RASSF8: variants seen among roughly 807,000 people sequenced by gnomAD.
RASSF8 encodes the protein Ras association domain family member 8, also known as ras association domain-containing protein 8.
RASSF8 carries 22 observed loss-of-function variants against 48.5 expected under a neutral mutation model. The observed-to-expected ratio is 0.45, with a 90% CI of 0.32 to 0.65. The LOEUF is 0.65. RASSF8 is among the 30% of genes least tolerant of loss of function. The pLI, the probability that RASSF8 is intolerant of heterozygous loss-of-function variation, is 0.03. For missense variants in RASSF8, 418 were observed against 489.2 expected (o/e 0.85, Z 1.37); for synonymous variants, 127 against 171.5 (o/e 0.74, Z 2.03).
chr12:25,980,372 G>A (rs1941712322), intron 1 of RASSF8, among the ~76,000 whole-genome samples: 1 of 152,094 alleles, frequency 6.6e-6, no homozygotes, highest in African/African-American at 2.4e-5. Context: ...ATTTTAAAAA[G>A]AGATTAAAGA....
chr12:26,078,028 G>A (rs890477830), intron 5 of RASSF8, among the ~76,000 whole-genome samples: 1 of 152,220 alleles, frequency 6.6e-6, no homozygotes, highest in Non-Finnish European at 1.5e-5. Flanking sequence ...TGATAACTGA[G>A]TAAATCCGGG....
At chr12:25,982,641 C>A (rs1707624) in intron 1 of RASSF8, among the ~76,000 whole-genome samples, 150,681 of 152,358 alleles carry the variant, frequency 0.99, 74,530 homozygotes, top group Middle Eastern at 1. Context: ...TGCTGAGTCC[C>A]GTTGAGCTTG....
In RASSF8 at chr12:26,026,476, C is replaced by T. The variant is rs553815485; in HGVS notation, c.-108-28760C>T. The stretch of plus-strand genomic sequence containing the variant: ...TTTGAGATGGAGTCTCGCTTTGTTG[C>T]TCAGGTTGGAGTGCAGTGGCGTGAT... On this transcript the variant is annotated intron_variant, in intron 2 of 5. Transcript: ENST00000689635. 2.3e-4 allele frequency among the ~76,000 whole-genome samples: 35 copies of T among 152,292 alleles called. No individual in the cohort carries two copies. In the South Asian group the frequency reaches 7.3e-3, roughly 32 times the overall value.
At position 26,071,382 on chromosome 12, in the gene RASSF8, A is replaced by G. The variant is rs1943996763; in HGVS notation, c.*2564A>G. ...GGAATGTTCAGGTTCTAAATACTAA[A>G]TTAGATTTCAATGTTTTGTGTTTTT... On this transcript the variant is annotated 3_prime_UTR_variant, in exon 6 of 6. Transcript: ENST00000689635. The G allele has an allele frequency of 3.1e-6, 3 of 952,660 alleles. No homozygotes were observed. Among genetic ancestry groups the G allele is most frequent in the Non-Finnish European group, 3.7e-6 (3 of 800,506 alleles). The allele number at this position is 952,660 out of a possible 1,614,324, so 59.0% of individuals were successfully genotyped here.
Position 26,071,428 on chromosome 12 carries a change from A to G in RASSF8, c.*2610A>G, listed in dbSNP as rs1943998215. The G allele has an allele frequency of 2.1e-6, 2 of 942,354 alleles. No individual in the cohort carries two copies. Among genetic ancestry groups the G allele is most frequent in the African/African-American group, 1.8e-5 (1 of 56,158 alleles). The allele number at this position is 942,354 out of a possible 1,614,324, so 58.4% of individuals were successfully genotyped here. A position where few individuals can be genotyped will look rare whatever the true frequency, so the allele number is the denominator to read the frequency against. On this transcript the variant is annotated 3_prime_UTR_variant, in exon 6 of 6. Coordinates refer to ENST00000689635, the MANE Select transcript of RASSF8 (RefSeq NM_001394098.1). ...TTTTTTTTAAAAAAATCATATTGCA[A>G]CTTGTTTTATTGTGATTTTCTACAA...
chr12:26,039,306 C>CG (rs755181149), intron 2 of RASSF8, among the ~76,000 whole-genome samples: 24 of 152,072 alleles, frequency 1.6e-4, no homozygotes, highest in Non-Finnish European at 2.1e-4. Flanking sequence ...CCTTGTGAGA[C>CG]TGGGGGGGAT....
At chr12:26,073,748 TACACACACACAC>T (rs5797160), downstream of RASSF8, among the ~76,000 whole-genome samples, 33 of 134,762 alleles carry the variant, frequency 2.4e-4, no homozygotes, top group Middle Eastern at 3.6e-3. Flanking sequence ...TCTCTCTCTA[TACACACACACAC>T]ACACACACAC....
chr12:25,977,243 T>C lies in RASSF8; in HGVS notation c.-202-17794T>C, dbSNP rs115519968. Among the ~76,000 whole-genome samples the C allele has an allele frequency of 7.2e-3, 1,093 of 152,300 alleles. 13 individuals are homozygous for C. The highest frequency in any genetic ancestry group is 0.025 in the African/African-American group (1,038 of 41,558). On this transcript the variant is annotated intron_variant, in intron 1 of 5. Coordinates refer to ENST00000689635, the MANE Select transcript of RASSF8 (RefSeq NM_001394098.1). The stretch of plus-strand genomic sequence containing the variant: ...CTGATTCTGACTTATTACCAGTGAA[T>C]GCACGCCAGCCACGTCGTTATGGCA...
At chr12:26,033,924 A>G (rs1336578783) in intron 2 of RASSF8, among the ~76,000 whole-genome samples, 2 of 152,052 alleles carry the variant, frequency 1.3e-5, no homozygotes, top group Non-Finnish European at 2.9e-5. Context: ...TAAAAACATG[A>G]CCTCAGTGGA....
At position 26,070,722 on chromosome 12, in the gene RASSF8, T is replaced by C; in HGVS notation, c.*1904T>C. ...CATTCTGTATAAAGTCATTTTGTTG[T>C]TGTTCAGAGAAATCAAGATCTTATT... On this transcript the variant is annotated 3_prime_UTR_variant, in exon 6 of 6. Coordinates refer to ENST00000689635, the MANE Select transcript of RASSF8 (RefSeq NM_001394098.1). 1 of 936,298 alleles carries C rather than the reference T, an allele frequency of 1.1e-6. No individual in the cohort carries two copies. Among genetic ancestry groups the C allele is most frequent in the South Asian group, 5.0e-5 (1 of 19,956 alleles). The allele number at this position is 936,298 out of a possible 1,614,324, so 58.0% of individuals were successfully genotyped here.
intron 2 of RASSF8, among the ~76,000 whole-genome samples, chr12:26,033,443 T>G (rs192565942): frequency 1.9e-3 from 292 of 152,324 alleles, no homozygotes; most frequent in African/African-American, 6.9e-3. Flanking sequence ...ACTATATTTG[T>G]GTTAAAGCTT....
chr12:26,042,854 CAATT>C (rs1464874511), intron 2 of RASSF8, among the ~76,000 whole-genome samples: 2 of 152,072 alleles, frequency 1.3e-5, no homozygotes, highest in African/African-American at 4.8e-5. Context: ...ACAGTAGCAT[CAATT>C]AGTGGTAAGA....
chr12:26,044,587 C>T (rs1313850938), intron 2 of RASSF8, among the ~76,000 whole-genome samples: 6 of 152,110 alleles, frequency 3.9e-5, no homozygotes, highest in Non-Finnish European at 5.9e-5. Flanking sequence ...TTCATCTACA[C>T]CTGGTGATGT....
intron 3 of RASSF8, among the ~76,000 whole-genome samples, chr12:26,057,006 T>C (rs1305430948): frequency 6.6e-6 from 1 of 151,768 alleles, no homozygotes; most frequent in Non-Finnish European, 1.5e-5. Context: ...AATTAAGCCA[T>C]GGACAGTGCT....
In RASSF8 at chr12:26,071,887, T is replaced by A. The variant is rs1043164905; in HGVS notation, c.*3069T>A. 2.0e-6 allele frequency: 2 copies of A among 985,028 alleles called. No individual in the cohort carries two copies. Among genetic ancestry groups the A allele is most frequent in the African/African-American group, 3.5e-5 (2 of 57,248 alleles). 61.0% of individuals were successfully genotyped at this position (985,028 alleles called of 1,614,324 possible). On this transcript the variant is annotated 3_prime_UTR_variant, in exon 6 of 6. Transcript: ENST00000689635. ...ATAACAAGAACATGTAAGCACTTGC[T>A]TCCACAGCATAAATGTAATTTACAT...
At chr12:26,022,789 T>A (rs1942817980) in intron 2 of RASSF8, among the ~76,000 whole-genome samples, 1 of 152,134 alleles carries the variant, frequency 6.6e-6, no homozygotes, top group African/African-American at 2.4e-5. Context: ...TTGCCCAGGT[T>A]GGAGTGCAAT....
rs73300874 is a variant in RASSF8, at chr12:26,050,869, A to C, written c.-108-4367A>C. 9.1e-3 allele frequency among the ~76,000 whole-genome samples: 1,389 copies of C among 152,278 alleles called. 19 individuals are homozygous for C. Among genetic ancestry groups the C allele is most frequent in the African/African-American group, 0.032 (1,318 of 41,552 alleles). On this transcript the variant is annotated intron_variant, in intron 2 of 5. Coordinates refer to ENST00000689635, the MANE Select transcript of RASSF8 (RefSeq NM_001394098.1). The stretch of plus-strand genomic sequence containing the variant: ...AATTAATTCTTTGCAGTTTCTTAGC[A>C]TGATTTAGCACCTCTTTTCTTTGTT...
chr12:26,041,013 G>A (rs942735485), intron 2 of RASSF8, among the ~76,000 whole-genome samples: 4 of 151,194 alleles, frequency 2.6e-5, no homozygotes, highest in East Asian at 3.9e-4. Flanking sequence ...TCAGCCTCCC[G>A]AGTAATTGGG....
downstream of RASSF8, among the ~76,000 whole-genome samples, chr12:26,075,876 G>T (rs1261040375): frequency 6.6e-6 from 1 of 152,082 alleles, no homozygotes; most frequent in Non-Finnish European, 1.5e-5. Flanking sequence ...CAAGGGAGGG[G>T]CTCACCAGAG....
Sources: gnomAD v4.1 joint callset for allele counts (sites outside exome capture counted in the v4.1 genomes callset) on GRCh38, gnomAD v4.1.1 for gene constraint, MANE v1.5 for transcripts, NCBI Gene and HGNC (gene_info 2026-07-23, HGNC 2026-07-21) for gene names.